The following VPS8 variants were observed in gnomAD, a reference collection of about 807,000 sequenced individuals.
The protein encoded by VPS8 is vacuolar protein sorting-associated protein 8 homolog.
Under a neutral mutation model 216.4 loss-of-function variants are expected in VPS8, and 129 were observed. The ratio of observed to expected loss-of-function variants is 0.60; its 90% CI spans 0.52 to 0.69. The LOEUF is 0.69. VPS8 is among the 30% of genes least tolerant of loss of function. VPS8 has a pLI of 0.00. For synonymous variants in VPS8, 571 were observed against 565.4 expected (o/e 1.01, Z -0.14); for missense variants, 1,531 against 1,683.5 (o/e 0.91, Z 1.59).
In VPS8 at chr3:184,894,704, G is replaced by A. The variant is rs1733065351; in HGVS notation, c.1783G>A (p.Asp595Asn). The change falls in exon 23 of 48, where the codon GAT (aspartate) becomes AAT (asparagine). Residue 595 changes from aspartate to asparagine, a missense_variant and splice_region_variant. Coordinates refer to ENST00000625842, the MANE Select transcript of VPS8 (RefSeq NM_001009921.3). Reference sequence around the variant, plus strand: ...TTTCTCCCCCCCTTTCTGTTACAGGGATCTTTTATTTAGTCAGATGTATGA... The same window carrying A: ...TTTCTCCCCCCCTTTCTGTTACAGGAATCTTTTATTTAGTCAGATGTATGA... ...VDYCLLLQRKDLLFSQMYDKL... is the reference protein window; with the variant it reads ...VDYCLLLQRKNLLFSQMYDKL... 6.3e-7 allele frequency: 1 copy of A among 1,592,286 alleles called. No homozygotes were observed. The highest frequency in any genetic ancestry group is 8.6e-7 in the Non-Finnish European group (1 of 1,168,264).
At chr3:185,011,772 C>G (rs1755046937) in intron 45 of VPS8, among the ~76,000 whole-genome samples, 2 of 152,112 alleles carry the variant, frequency 1.3e-5, no homozygotes, top group African/African-American at 4.8e-5. Flanking sequence ...ATCATAGGAT[C>G]AGTAGGAGGA....
chr3:184,839,857 A>C (rs1235594464), intron 7 of VPS8, 105 bp downstream of exon 7: 1 of 1,451,148 alleles, frequency 6.9e-7, no homozygotes, highest in East Asian at 2.6e-5. Flanking sequence ...TTCTTGAACA[A>C]AACCAGAAAA....
intron 6 of VPS8, 62 bp downstream of exon 6, chr3:184,838,808 TCATTA>T (rs1477861944): frequency 1.5e-6 from 2 of 1,309,108 alleles, no homozygotes; most frequent in Non-Finnish European, 1.1e-6. Context: ...CTTAGATTTA[TCATTA>T]CATTGTTCAA....
intron 22 of VPS8, among the ~76,000 whole-genome samples, chr3:184,891,936 G>T (rs568922478): frequency 6.6e-6 from 1 of 152,206 alleles, no homozygotes; most frequent in African/African-American, 2.4e-5. Context: ...AATCGATAAT[G>T]TACAAAGTAA....
At chr3:184,955,866 A>G (rs1745502840) in intron 36 of VPS8, among the ~76,000 whole-genome samples, 1 of 152,082 alleles carries the variant, frequency 6.6e-6, no homozygotes, top group Non-Finnish European at 1.5e-5. Flanking sequence ...ACACATACTT[A>G]AACATGATTT....
chr3:184,869,441 G>A (rs1160894719), intron 19 of VPS8, 41 bp from the exon 20 acceptor site: 2 of 1,603,342 alleles, frequency 1.2e-6, no homozygotes, highest in Non-Finnish European at 8.5e-7. Context: ...TAAAGATGTG[G>A]ACTAACTTTT....
chr3:184,852,658 C>G (rs1724532254), intron 11 of VPS8, 91 bp downstream of exon 11: 8 of 1,234,474 alleles, frequency 6.5e-6, no homozygotes, highest in Non-Finnish European at 9.3e-6. Flanking sequence ...TAGAAAGCCC[C>G]TGTAATTGAG....
At chr3:184,865,076 C>T (rs1052868579) in intron 16 of VPS8, among the ~76,000 whole-genome samples, 23 of 152,062 alleles carry the variant, frequency 1.5e-4, no homozygotes, top group African/African-American at 5.1e-4. Flanking sequence ...TTAGGCAATA[C>T]AGAAAAAACG....
At chr3:184,824,286 C>T (rs1718235557) in intron 1 of VPS8, 1 of 208,704 alleles carries the variant, frequency 4.8e-6, no homozygotes, top group South Asian at 9.9e-5. Context: ...TAAGTTATCA[C>T]TATCACCAGT....
At chr3:184,875,601 G>A (rs1472855518) in intron 21 of VPS8, among the ~76,000 whole-genome samples, 1 of 151,960 alleles carries the variant, frequency 6.6e-6, no homozygotes, top group Non-Finnish European at 1.5e-5. Context: ...ACTAAGTCAA[G>A]CAGCAAACAA....
intron 1 of VPS8, chr3:184,816,284 G>A (rs1194849722): frequency 6.6e-6 from 1 of 152,144 alleles, no homozygotes; most frequent in Non-Finnish European, 1.5e-5. Flanking sequence ...TTGTGATAGG[G>A]GATTAGATTT....
chr3:185,027,235 CTTT>C (rs893256183), intron 46 of VPS8, among the ~76,000 whole-genome samples: 10 of 87,754 alleles, frequency 1.1e-4, no homozygotes, highest in East Asian at 3.7e-4. Flanking sequence ...TTTTTATGTT[CTTT>C]TTTTTTTTTT....
intron 25 of VPS8, among the ~76,000 whole-genome samples, chr3:184,902,477 C>T (rs1021268104): frequency 1.9e-4 from 29 of 151,268 alleles, no homozygotes; most frequent in Admixed American, 1.5e-3. Context: ...AGCAAGACTC[C>T]GTCTCATGAA....
At chr3:184,891,382 G>C (rs1732314865) in intron 22 of VPS8, among the ~76,000 whole-genome samples, 1 of 152,140 alleles carries the variant, frequency 6.6e-6, no homozygotes, top group South Asian at 2.1e-4. Context: ...TGAGGAACTG[G>C]ATGTTTAAAA....
Position 184,907,971 on chromosome 3 carries a change from C to T in VPS8, c.2147-5548C>T, listed in dbSNP as rs561895929. ...CCTTTATATGCATACATCCTTTTAG[C>T]ACTCCAGGAATATGTTAGAACTTTT... On this transcript the variant is annotated intron_variant, in intron 25 of 47. Transcript: ENST00000625842. 8.5e-5 allele frequency among the ~76,000 whole-genome samples: 13 copies of T among 152,280 alleles called. No individual in the cohort carries two copies. In the South Asian group the frequency reaches 2.7e-3, roughly 32 times the overall value.
At chr3:185,024,705 T>A (rs114191264) in intron 46 of VPS8, among the ~76,000 whole-genome samples, 4,831 of 152,254 alleles carry the variant, frequency 0.032, 279 homozygotes, top group African/African-American at 0.11. Context: ...TTTATCTTAA[T>A]AATGTGCTTT....
At chr3:184,929,984 T>G (rs1425771668) in intron 33 of VPS8, among the ~76,000 whole-genome samples, 1 of 152,112 alleles carries the variant, frequency 6.6e-6, no homozygotes, top group African/African-American at 2.4e-5. Flanking sequence ...AAACTGAGTT[T>G]TGGAATTTGA....
intron 46 of VPS8, among the ~76,000 whole-genome samples, chr3:185,033,474 T>C (rs73885644): frequency 0.11 from 16,974 of 152,236 alleles, 2,353 homozygotes; most frequent in African/African-American, 0.33. Context: ...CTTTTTATCA[T>C]TGAGTGATAT....
At chr3:184,877,253 A>G (rs1227569666) in intron 21 of VPS8, among the ~76,000 whole-genome samples, 1 of 152,186 alleles carries the variant, frequency 6.6e-6, no homozygotes, top group African/African-American at 2.4e-5. Context: ...GAAGTCACTC[A>G]TTCAATGTCA....
Sources: gnomAD v4.1 joint callset for allele counts (sites outside exome capture counted in the v4.1 genomes callset) on GRCh38, gnomAD v4.1.1 for gene constraint, MANE v1.5 for transcripts, NCBI Gene and HGNC (gene_info 2026-07-23, HGNC 2026-07-21) for gene names.